The following ZNF286A variants were observed in gnomAD, a reference collection of about 807,000 sequenced individuals.
ZNF286A encodes the protein zinc finger protein 286A, also known as zinc finger protein ZNF286.
Under a neutral mutation model 49.3 loss-of-function variants are expected in ZNF286A, and 34 were observed. The ratio of observed to expected loss-of-function variants is 0.69; its 90% CI spans 0.52 to 0.92. The LOEUF (loss-of-function observed/expected upper bound fraction) is 0.92. Ranked by LOEUF, ZNF286A falls within the 40% of genes least tolerant of loss-of-function variation. The probability of loss-of-function intolerance (pLI) is 0.00; values close to 1 mark genes in which losing one functional copy is unlikely to be tolerated. For missense variants in ZNF286A, 462 were observed against 600.2 expected, an observed-to-expected ratio of 0.77 and a Z score of 2.41; for synonymous variants, 155 against 200.4, an observed-to-expected ratio of 0.77 and a Z score of 1.91.
At chr17:15,715,962 G>C in intron 5 of ZNF286A, 97 bp from the exon 6 acceptor site, 1 of 1,553,374 alleles carries the variant, frequency 6.4e-7, no homozygotes, top group Non-Finnish European at 8.7e-7. Flanking sequence ...CTCCTTGAAG[G>C]CATGCTTTTC....
chr17:15,709,719 A>T, intron 5 of ZNF286A: 1 of 1,152,572 alleles, frequency 8.7e-7, no homozygotes, highest in Non-Finnish European at 1.2e-6. Context: ...ATATTAATCT[A>T]TGTTAATATA....
In ZNF286A at chr17:15,708,244, T is replaced by A. The variant is rs1425102604; in HGVS notation, c.331T>A (p.Ser111Thr). The A allele has an allele frequency of 6.3e-7, 1 of 1,584,520 alleles. No individual in the cohort carries two copies. The highest frequency in any genetic ancestry group is 8.6e-7 in the Non-Finnish European group (1 of 1,165,680). The change falls in exon 5 of 6, where the codon TCA (serine) becomes ACA (threonine). Residue 111 changes from serine (S) to threonine (T), a missense_variant. Ser to Thr is a moderately conservative substitution (Grantham distance 58). Around this residue, in one of 3 missense-constraint regions of ZNF286A, gnomAD observed 259 missense variants for 272.2 expected, o/e 0.95. Transcript: ENST00000583566. The stretch of plus-strand genomic sequence containing the variant: ...GAGAAAAGCCCCCAAAAGCAGCTAT[T>A]CAGGTGAGCCAGATAGATGGGAGTC... ...LERKAPKSSY[S>T]DMETRPQSKD...
At chr17:15,713,050 A>C (rs1000550436) in intron 5 of ZNF286A, among the ~76,000 whole-genome samples, 2 of 152,204 alleles carry the variant, frequency 1.3e-5, no homozygotes. Flanking sequence ...AATAGTTACT[A>C]TACTACAAGT....
intron 5 of ZNF286A, among the ~76,000 whole-genome samples, chr17:15,710,852 T>C (rs1301755594): frequency 1.3e-5 from 2 of 152,114 alleles, no homozygotes; most frequent in African/African-American, 2.4e-5. Context: ...CCTTTTCTTA[T>C]GTTACAGATA....
intron 5 of ZNF286A, among the ~76,000 whole-genome samples, chr17:15,710,387 T>C (rs868563107): frequency 2.6e-5 from 4 of 152,286 alleles, no homozygotes; most frequent in Middle Eastern, 3.4e-3. Flanking sequence ...GTTTTACAGG[T>C]ATTTATTTTT....
In ZNF286A at chr17:15,716,905, G is replaced by C; in HGVS notation, c.1181G>C (p.Cys394Ser). 4 of 1,610,802 alleles carry C rather than the reference G, an allele frequency of 2.5e-6. No homozygotes were observed. The highest frequency in any genetic ancestry group is 3.4e-6 in the Non-Finnish European group (4 of 1,177,838). Residue 394 changes from cysteine to serine, a missense_variant, in exon 6 of 6, where the codon TGC becomes TCC. Physicochemically the swap from Cys to Ser is moderately radical, Grantham distance 112 (BLOSUM62 -1). This residue lies in a region of ZNF286A where 201 missense variants were observed against 311.3 expected (regional missense o/e 0.65). Coordinates refer to ENST00000583566, the MANE Select transcript of ZNF286A (RefSeq NM_001130842.2). ...CQECGKAFSH[C>S]SSLTKHQRVH... is the part of the protein sequence containing the mutation. ...GAATGTGGGAAAGCCTTTAGCCATTGCTCATCCCTAACTAAGCATCAGAGA... is the reference window on the plus strand; with the variant it reads ...GAATGTGGGAAAGCCTTTAGCCATTCCTCATCCCTAACTAAGCATCAGAGA...
Position 15,714,585 on chromosome 17 carries a change from A to T in ZNF286A, c.335-1474A>T, listed in dbSNP as rs190178353. Among the ~76,000 whole-genome samples the T allele has an allele frequency of 1.8e-3, 268 of 152,290 alleles. 1 individual carries two copies. The highest frequency in any genetic ancestry group is 6.1e-3 in the African/African-American group (255 of 41,570). ...CATTCCTTGCAAGATGGATACTGTT[A>T]TTGCCCTCTCTTACACATAAGGAAA... On this transcript the variant is annotated intron_variant, in intron 5 of 5. Coordinates refer to ENST00000583566, the MANE Select transcript of ZNF286A (RefSeq NM_001130842.2).
In ZNF286A at chr17:15,704,406, G is replaced by C. The variant is rs543950456; in HGVS notation, c.127-1981G>C. ...CACTGGCCAGGGCCCGCCCGGCTTC[G>C]GCCCTGCCGCTGGGCCCGCCGGCGC... On this transcript the variant is annotated intron_variant, in intron 3 of 5. Transcript: ENST00000583566. 9 of 1,606,456 alleles carry C rather than the reference G, an allele frequency of 5.6e-6. No homozygotes were observed. The Admixed American group carries it at 1.0e-4, about 18-fold the overall frequency.
Position 15,716,738 on chromosome 17 carries a change from T to C in ZNF286A, c.1014T>C (p.Ser338=). The part of the protein sequence containing the change: ...CNECGKGFNR[S]THLVQHQLIH... ...AATGTGGGAAAGGTTTTAATCGAAG[T>C]ACACATCTTGTGCAGCATCAGTTGA... The change falls in exon 6 of 6, where the codon AGT becomes AGC. Residue 338 remains serine, a synonymous_variant. Coordinates refer to ENST00000583566, the MANE Select transcript of ZNF286A (RefSeq NM_001130842.2). 1 of 1,613,934 alleles carries C rather than the reference T, an allele frequency of 6.2e-7. No individual in the cohort carries two copies. Among genetic ancestry groups the C allele is most frequent in the Non-Finnish European group, 8.5e-7 (1 of 1,179,870 alleles).
intron 3 of ZNF286A, among the ~76,000 whole-genome samples, chr17:15,702,510 CA>C (rs36114462): frequency 0.31 from 32,098 of 102,124 alleles, 2,885 homozygotes; most frequent in African/African-American, 0.43. Flanking sequence ...GAAACTGTCT[CA>C]AAAAAAAAAA....
intron 4 of ZNF286A, among the ~76,000 whole-genome samples, chr17:15,707,547 T>C (rs181106243): frequency 6.6e-6 from 1 of 152,296 alleles, no homozygotes; most frequent in East Asian, 1.9e-4. Flanking sequence ...GGTGCTGCCA[T>C]TGAGGTCCCG....
chr17:15,704,410 C>T, intron 3 of ZNF286A: 1 of 1,607,300 alleles, frequency 6.2e-7, no homozygotes, highest in Non-Finnish European at 8.5e-7. Flanking sequence ...GGCTTCGGCC[C>T]TGCCGCTGGG....
At chr17:15,704,579 C>A in intron 3 of ZNF286A, 2 of 1,614,078 alleles carry the variant, frequency 1.2e-6, no homozygotes, top group Middle Eastern at 3.3e-4. Flanking sequence ...TGTCGGATGC[C>A]CAGCTCAGCC....
intron 4 of ZNF286A, 94 bp downstream of exon 4, chr17:15,706,595 C>T: frequency 2.2e-6 from 2 of 920,844 alleles, no homozygotes; most frequent in South Asian, 2.0e-5. Flanking sequence ...CCTTTGCATT[C>T]AGGAGTCAAA....
At chr17:15,708,755 G>C (rs1296633427) in intron 5 of ZNF286A, among the ~76,000 whole-genome samples, 2 of 152,166 alleles carry the variant, frequency 1.3e-5, no homozygotes, top group Non-Finnish European at 2.9e-5. Context: ...TTAGCTGTGA[G>C]ATACATCTTT....
In ZNF286A at chr17:15,720,359, T is replaced by C. The variant is rs1967310208; in HGVS notation, c.*3069T>C. Reference sequence around the variant, plus strand: ...AGGTTGGCTGTGTCTTCCACATCTTTTGTTTACCCATGAAGAACTGTGACC... The same window carrying C: ...AGGTTGGCTGTGTCTTCCACATCTTCTGTTTACCCATGAAGAACTGTGACC... On this transcript the variant is annotated 3_prime_UTR_variant, in exon 6 of 6. Transcript: ENST00000583566. 1 of 151,312 alleles carries C rather than the reference T, an allele frequency of 6.6e-6. No homozygotes were observed. Among genetic ancestry groups the C allele is most frequent in the Non-Finnish European group, 1.5e-5 (1 of 67,942 alleles). 9.4% of individuals were successfully genotyped at this position (151,312 alleles called of 1,614,324 possible). A position where few individuals can be genotyped will look rare whatever the true frequency, so the allele number is the denominator to read the frequency against.
rs1967237211 is a variant in ZNF286A, at chr17:15,719,096, T to G, written c.*1806T>G. 1.9e-5 allele frequency: 2 copies of G among 104,032 alleles called. No homozygotes were observed. The highest frequency in any genetic ancestry group is 4.2e-5 in the African/African-American group (1 of 23,914). 6.4% of individuals were successfully genotyped at this position (104,032 alleles called of 1,614,324 possible). On this transcript the variant is annotated 3_prime_UTR_variant, in exon 6 of 6. Coordinates refer to ENST00000583566, the MANE Select transcript of ZNF286A (RefSeq NM_001130842.2). ...CCACATTGGGGATTACAATTAAACA[T>G]GAGATTTGGGTGGGGATACAGATCT...
rs1156418097 is a variant in ZNF286A at position 15,718,579 on chromosome 17, C to G, written c.*1289C>G. On this transcript the variant is annotated 3_prime_UTR_variant, in exon 6 of 6. Coordinates refer to ENST00000583566, the MANE Select transcript of ZNF286A (RefSeq NM_001130842.2). ...AAGAACTGAAGCAACTGTGAGACAC[C>G]AGGGCATACTTCCCTGTATGAGTGG... 6.6e-6 allele frequency: 1 copy of G among 150,722 alleles called. No individual in the cohort carries two copies. The highest frequency in any genetic ancestry group is 1.5e-5 in the Non-Finnish European group (1 of 67,850). The allele number at this position is 150,722 out of a possible 1,614,324, so 9.3% of individuals were successfully genotyped here.
At chr17:15,699,937 T>C (rs1989639115) in intron 1 of ZNF286A, 160 bp downstream of exon 1, 1 of 635,860 alleles carries the variant, frequency 1.6e-6, no homozygotes, top group African/African-American at 1.8e-5. Context: ...GATCCTCTCC[T>C]CGGGGGACGC....
Sources: allele counts gnomAD v4.1 joint callset (sites outside exome capture counted in the v4.1 genomes callset), GRCh38; gene constraint gnomAD v4.1.1; regional missense constraint gnomAD v4.1.1; transcripts MANE v1.5; gene names NCBI Gene and HGNC (gene_info 2026-07-23, HGNC 2026-07-21).